Variants in ICOS observed in about 807,000 individuals in gnomAD.
ICOS encodes inducible T-cell costimulator.
A neutral mutation model predicts 24.6 loss-of-function variants in ICOS; 15 were observed. The ratio of observed to expected loss-of-function variants is 0.61; its 90% CI spans 0.41 to 0.94. The LOEUF is 0.94. Ranked by LOEUF, ICOS falls within the 40% of genes least tolerant of loss-of-function variation. ICOS has a pLI of 0.00. For synonymous variants in ICOS, 89 were observed against 77.5 expected (o/e 1.15, Z -0.78); for missense variants, 200 against 233.0 (o/e 0.86, Z 0.92).
In ICOS at chr2:203,937,943, A is replaced by G. The variant is rs74955609; in HGVS notation, c.58+1071A>G. Among the ~76,000 whole-genome samples, 481 of 152,326 alleles carry G rather than the reference A, an allele frequency of 3.2e-3. 12 individuals are homozygous for G. The highest frequency in any genetic ancestry group is 0.026 in the Admixed American group (398 of 15,306). ...GAATCTCATGAAGTCCTTTAGCGGC[A>G]TGAATGACATGAGCAGCTTTGGAAT... On this transcript the variant is annotated intron_variant, in intron 1 of 4. Transcript: ENST00000316386.
At chr2:203,958,771 C>G (rs1690120874) in intron 4 of ICOS, among the ~76,000 whole-genome samples, 1 of 136,682 alleles carries the variant, frequency 7.3e-6, no homozygotes, top group South Asian at 2.4e-4. Context: ...GTTCCCTAGA[C>G]AGTTAATACC....
intron 1 of ICOS, among the ~76,000 whole-genome samples, 184 bp downstream of exon 1, chr2:203,937,056 T>C (rs1689664480): frequency 6.6e-6 from 1 of 152,278 alleles, no homozygotes; most frequent in African/African-American, 2.4e-5. Context: ...TGAGTTTGCA[T>C]TGCTGCCTTT....
At chr2:203,949,622 G>A (rs1224470392) in intron 1 of ICOS, among the ~76,000 whole-genome samples, 2 of 152,310 alleles carry the variant, frequency 1.3e-5, no homozygotes, top group East Asian at 3.9e-4. Flanking sequence ...GGAAGCATGA[G>A]GAGCATATCA....
chr2:203,938,342 T>C (rs1260940772), intron 1 of ICOS, among the ~76,000 whole-genome samples: 1 of 152,096 alleles, frequency 6.6e-6, no homozygotes, highest in Non-Finnish European at 1.5e-5. Context: ...GAACGTTCCA[T>C]ACCATGGAAG....
chr2:203,951,179 T>G (rs56146083), intron 1 of ICOS, among the ~76,000 whole-genome samples: 51,058 of 152,040 alleles, frequency 0.34, 9,114 homozygotes, highest in African/African-American at 0.45. Context: ...TTCCTGGTCC[T>G]ACCTAAATAC....
At chr2:203,937,033 CT>C (rs1689663675) in intron 1 of ICOS, among the ~76,000 whole-genome samples, 161 bp downstream of exon 1, 1 of 152,110 alleles carries the variant, frequency 6.6e-6, no homozygotes, top group African/African-American at 2.4e-5. Flanking sequence ...ACTCATGTCA[CT>C]GTGGATGGCA....
intron 1 of ICOS, among the ~76,000 whole-genome samples, chr2:203,941,118 T>A (rs547616634): frequency 4.9e-4 from 74 of 152,336 alleles, no homozygotes; most frequent in Non-Finnish European, 6.6e-4. Flanking sequence ...TATTATTATT[T>A]TTTTTAAGAC....
intron 1 of ICOS, among the ~76,000 whole-genome samples, chr2:203,937,089 A>T (rs1177055603): frequency 6.6e-6 from 1 of 152,062 alleles, no homozygotes; most frequent in Non-Finnish European, 1.5e-5. Flanking sequence ...TGAGATGAAA[A>T]ACATGTTTCA....
chr2:203,950,974 C>A (rs1251177335), intron 1 of ICOS, among the ~76,000 whole-genome samples: 1 of 151,900 alleles, frequency 6.6e-6, no homozygotes, highest in Non-Finnish European at 1.5e-5. Context: ...GCAGCAGAAT[C>A]GCTTGAACCT....
chr2:203,947,172 A>T (rs1173988681), intron 1 of ICOS, among the ~76,000 whole-genome samples: 1 of 152,218 alleles, frequency 6.6e-6, no homozygotes, highest in African/African-American at 2.4e-5. Flanking sequence ...TTTTCTTAAT[A>T]GTCCCCCAAA....
chr2:203,952,362 C>CT (rs926009440), intron 1 of ICOS, among the ~76,000 whole-genome samples: 1 of 152,162 alleles, frequency 6.6e-6, no homozygotes, highest in African/African-American at 2.4e-5. Flanking sequence ...ACAGATGTTT[C>CT]TTTTAGCACA....
Position 203,959,796 on chromosome 2 carries a change from C to T in ICOS, c.*197C>T, listed in dbSNP as rs549965036. ...CAGACTGCCTTGGTACTGCCGAGTC[C>T]TCTCAAAACAAACACCCTCTTGCAA... On this transcript the variant is annotated 3_prime_UTR_variant, in exon 5 of 5. Transcript: ENST00000316386. The T allele has an allele frequency of 2.8e-5, 18 of 651,796 alleles. No homozygotes were observed. Among genetic ancestry groups the T allele is most frequent in the Non-Finnish European group, 4.1e-5 (15 of 362,012 alleles). 40.4% of individuals were successfully genotyped at this position (651,796 alleles called of 1,614,324 possible).
intron 1 of ICOS, among the ~76,000 whole-genome samples, chr2:203,948,664 A>G (rs1689915116): frequency 6.6e-6 from 1 of 152,192 alleles, no homozygotes; most frequent in African/African-American, 2.4e-5. Context: ...AATCAGATAA[A>G]CCAGATAATT....
intron 1 of ICOS, among the ~76,000 whole-genome samples, chr2:203,940,929 A>G (rs1018501984): frequency 5.3e-5 from 8 of 151,928 alleles, no homozygotes; most frequent in South Asian, 2.1e-4. Context: ...GACTACAGGC[A>G]CCCGCCACCA....
intron 2 of ICOS, 108 bp downstream of exon 2, chr2:203,956,079 C>A: frequency 1.4e-6 from 1 of 721,816 alleles, no homozygotes; most frequent in Non-Finnish European, 2.3e-6. Flanking sequence ...TGTTGGAGTT[C>A]ACTTAGATGC....
At chr2:203,945,122 G>A (rs1211622740) in intron 1 of ICOS, among the ~76,000 whole-genome samples, 1 of 152,102 alleles carries the variant, frequency 6.6e-6, no homozygotes, top group Admixed American at 6.5e-5. Flanking sequence ...CTTTTAAACT[G>A]GGGAGTGAAA....
At chr2:203,941,206 A>G (rs929119256) in intron 1 of ICOS, among the ~76,000 whole-genome samples, 4 of 152,058 alleles carry the variant, frequency 2.6e-5, no homozygotes, top group African/African-American at 9.7e-5. Flanking sequence ...TTGTTTAATC[A>G]TACCTTATGC....
chr2:203,941,053 C>CCGCCTT (rs1325490264), intron 1 of ICOS, among the ~76,000 whole-genome samples: 1 of 152,212 alleles, frequency 6.6e-6, no homozygotes, highest in Non-Finnish European at 1.5e-5. Flanking sequence ...GCCTCCGCCT[C>CCGCCTT]CCAAAGTGCT....
intron 3 of ICOS, 71 bp from the exon 4 acceptor site, chr2:203,957,728 A>G (rs1690101475): frequency 1.0e-5 from 12 of 1,157,358 alleles, no homozygotes; most frequent in Non-Finnish European, 1.4e-5. Flanking sequence ...AACAAAGAAT[A>G]GAAAACAGTC....
Sources: gnomAD v4.1 joint callset for allele counts (sites outside exome capture counted in the v4.1 genomes callset) on GRCh38, gnomAD v4.1.1 for gene constraint, MANE v1.5 for transcripts, NCBI Gene and HGNC (gene_info 2026-07-23, HGNC 2026-07-21) for gene names.